KDM6A: variants seen among roughly 807,000 people sequenced by gnomAD.
The protein encoded by KDM6A is lysine-specific demethylase 6A.
A neutral mutation model predicts 117.6 loss-of-function variants in KDM6A; 11 were observed. That is an observed-to-expected ratio of 0.09 (90% CI 0.06 to 0.15). The LOEUF (loss-of-function observed/expected upper bound fraction) is 0.15, where lower values mean the gene tolerates loss of function less well. KDM6A is among the 10% of genes least tolerant of loss of function. The pLI is 1.00. For missense variants in KDM6A, 799 were observed against 1,077.3 expected, an observed-to-expected ratio of 0.74 and a Z score of 3.62; for synonymous variants, 384 against 396.1, an observed-to-expected ratio of 0.97 and a Z score of 0.36.
At chrX:45,043,405 C>T (rs931919726) in intron 8 of KDM6A, among the ~76,000 whole-genome samples, 2 of 111,752 alleles carry the variant, frequency 1.8e-5, no homozygotes, top group African/African-American at 6.5e-5. Flanking sequence ...TTAATGAGAG[C>T]TCATCCCCTA....
intron 21 of KDM6A, among the ~76,000 whole-genome samples, chrX:45,080,300 TAAAAAAC>T (rs1478622348): frequency 9.0e-6 from 1 of 111,478 alleles, no homozygotes; most frequent in Non-Finnish European, 1.9e-5. Flanking sequence ...AGGAGGAAAT[TAAAAAAC>T]AAAAATGTAA....
At chrX:45,044,273 C>A (rs2043428426) in intron 8 of KDM6A, among the ~76,000 whole-genome samples, 1 of 111,784 alleles carries the variant, frequency 8.9e-6, no homozygotes, top group South Asian at 3.7e-4. Context: ...ACCTCCAGCT[C>A]ATTTTTTCTA....
At chrX:44,950,213 A>G (rs1336810505) in intron 2 of KDM6A, among the ~76,000 whole-genome samples, 2 of 110,106 alleles carry the variant, frequency 1.8e-5, no homozygotes, top group African/African-American at 3.3e-5. Context: ...ATGGGGTTTC[A>G]CCATATTGGC....
At chrX:45,105,573 G>A (rs781269724) in intron 27 of KDM6A, among the ~76,000 whole-genome samples, 1 of 111,878 alleles carries the variant, frequency 8.9e-6, no homozygotes, top group South Asian at 3.8e-4. Flanking sequence ...GGGACATGAG[G>A]AGGGACAAAG....
chrX:45,008,509 C>T (rs1474097638), intron 4 of KDM6A, among the ~76,000 whole-genome samples: 1 of 112,001 alleles, frequency 8.9e-6, no homozygotes, highest in Non-Finnish European at 1.9e-5. Context: ...CTCACCCCCA[C>T]ACCCCCATTG....
chrX:44,892,686 T>G (rs748319167), intron 2 of KDM6A, among the ~76,000 whole-genome samples: 83 of 102,330 alleles, frequency 8.1e-4, no homozygotes, highest in Non-Finnish European at 1.4e-3. Flanking sequence ...AGCGAGACTC[T>G]GTCTCAAACA....
intron 15 of KDM6A, 87 bp downstream of exon 15, chrX:45,061,506 T>TG: frequency 2.1e-6 from 1 of 471,285 alleles, no homozygotes; most frequent in Middle Eastern, 6.4e-4. Context: ...TTTTTTTTTT[T>TG]TTTGAGATAG....
At chrX:44,988,676 CCA>C (rs750634726) in intron 4 of KDM6A, among the ~76,000 whole-genome samples, 1 of 111,399 alleles carries the variant, frequency 9.0e-6, no homozygotes, top group South Asian at 3.8e-4. Context: ...GAGGTCCACT[CCA>C]GACCCTGTTT....
intron 5 of KDM6A, 78 bp downstream of exon 5, chrX:45,011,097 TTG>T (rs1022103620): frequency 5.5e-5 from 41 of 746,279 alleles, no homozygotes; most frequent in Middle Eastern, 2.9e-4. Flanking sequence ...GCTTGATTTT[TTG>T]TGTGTGTGTG....
chrX:44,890,511 G>A (rs1220925549), intron 2 of KDM6A, among the ~76,000 whole-genome samples: 3 of 110,755 alleles, frequency 2.7e-5, no homozygotes, highest in Non-Finnish European at 5.7e-5. Context: ...ATGTATCAGT[G>A]TTCCAGTTTC....
At chrX:45,005,447 A>G (rs2041389421) in intron 4 of KDM6A, among the ~76,000 whole-genome samples, 1 of 111,375 alleles carries the variant, frequency 9.0e-6, no homozygotes, top group African/African-American at 3.3e-5. Context: ...CATGCCTCCA[A>G]CAGAGGGCAT....
At chrX:45,030,376 G>A (rs761352958) in intron 6 of KDM6A, among the ~76,000 whole-genome samples, 5 of 96,926 alleles carry the variant, frequency 5.2e-5, no homozygotes, top group African/African-American at 2.0e-4. Context: ...TTTTTTGAGC[G>A]AAGATTGTCA....
At chrX:45,060,906 A>G (rs2044261375) in intron 14 of KDM6A, 142 bp downstream of exon 14, 3 of 325,266 alleles carry the variant, frequency 9.2e-6, no homozygotes, top group African/African-American at 2.7e-5. Context: ...TTCCATCCCA[A>G]ACCCTTAGTA....
At chrX:44,931,439 C>T (rs2036621676) in intron 2 of KDM6A, among the ~76,000 whole-genome samples, 1 of 111,790 alleles carries the variant, frequency 8.9e-6, no homozygotes, top group African/African-American at 3.3e-5. Context: ...TCAAAACAGC[C>T]AAGAGATGGA....
intron 4 of KDM6A, 85 bp downstream of exon 4, chrX:44,974,800 CT>C (rs200529431): frequency 7.3e-5 from 50 of 685,103 alleles, no homozygotes; most frequent in Middle Eastern, 7.8e-4. Flanking sequence ...TGAGCTCTTG[CT>C]TTTTTTTGTT....
At chrX:45,027,152 C>T (rs994324546) in intron 6 of KDM6A, among the ~76,000 whole-genome samples, 3 of 108,309 alleles carry the variant, frequency 2.8e-5, no homozygotes, top group African/African-American at 1.0e-4. Flanking sequence ...CACACACACA[C>T]ACGTTTGTTA....
chrX:45,053,795 A>G, intron 9 of KDM6A, 34 bp from the exon 10 acceptor site: 5 of 1,101,860 alleles, frequency 4.5e-6, no homozygotes, highest in Non-Finnish European at 6.3e-6. Context: ...CAATTAAGTC[A>G]TTTATGTAAA....
chrX:44,924,926 C>T (rs748965981), intron 2 of KDM6A, among the ~76,000 whole-genome samples: 11 of 111,157 alleles, frequency 9.9e-5, no homozygotes, highest in Non-Finnish European at 1.3e-4. Context: ...TGACCTCAAG[C>T]GATCCTCCTG....
intron 4 of KDM6A, among the ~76,000 whole-genome samples, chrX:44,998,165 G>T (rs1255482451): frequency 8.9e-6 from 1 of 111,795 alleles, no homozygotes; most frequent in Non-Finnish European, 1.9e-5. Flanking sequence ...CCTACAGTTT[G>T]GGAGACAAGT....
Sources: gnomAD v4.1 joint callset for allele counts (sites outside exome capture counted in the v4.1 genomes callset) on GRCh38, gnomAD v4.1.1 for gene constraint, MANE v1.5 for transcripts, NCBI Gene and HGNC (gene_info 2026-07-23, HGNC 2026-07-21) for gene names.